The following SLC38A9 variants were observed in gnomAD, a reference collection of about 807,000 sequenced individuals.
SLC38A9 encodes solute carrier family 38 member 9.
A neutral mutation model predicts 62.3 loss-of-function variants in SLC38A9; 48 were observed. The observed-to-expected ratio is 0.77, with a 90% CI of 0.61 to 0.98. The LOEUF is 0.98. SLC38A9 is among the 50% of genes least tolerant of loss of function. The pLI is 0.00. For missense variants in SLC38A9, 541 were observed against 679.8 expected (o/e 0.80, Z 2.27); for synonymous variants, 204 against 227.7 (o/e 0.90, Z 0.94).
intron 3 of SLC38A9, among the ~76,000 whole-genome samples, chr5:55,679,594 GTT>G (rs201198379): frequency 1.1e-5 from 1 of 93,448 alleles, no homozygotes; most frequent in South Asian, 4.2e-4. Flanking sequence ...CAAGTTTTTA[GTT>G]TTTTGTTTTT....
intron 2 of SLC38A9, among the ~76,000 whole-genome samples, chr5:55,700,132 G>A (rs547839135): frequency 4.6e-5 from 7 of 152,188 alleles, no homozygotes; most frequent in African/African-American, 1.7e-4. Context: ...CTTGAGGTCA[G>A]GAATTCGAGA....
intron 14 of SLC38A9, among the ~76,000 whole-genome samples, chr5:55,629,908 G>T (rs1019237261): frequency 1.3e-5 from 2 of 150,700 alleles, no homozygotes; most frequent in Admixed American, 1.3e-4. Context: ...ATTGTAAAAT[G>T]AAGTGTGTCA....
Position 55,705,688 on chromosome 5 carries a change from T to TA in SLC38A9, c.-35+5763dup, listed in dbSNP as rs549335754. On this transcript the variant is annotated intron_variant, in intron 2 of 15. Coordinates refer to ENST00000396865, the MANE Select transcript of SLC38A9 (RefSeq NM_173514.4). ...TTTTGTAAATATAAAATAATAGCTA[T>TA]AATGGCAAATGGCCTTAAACTCTTT... is the stretch of plus-strand genomic sequence containing the variant. 3.7e-3 allele frequency among the ~76,000 whole-genome samples: 544 copies of TA among 148,892 alleles called. 6 individuals are homozygous for TA. The highest frequency in any genetic ancestry group is 0.013 in the African/African-American group (526 of 40,388).
chr5:55,644,493 G>A (rs541640365), intron 12 of SLC38A9, among the ~76,000 whole-genome samples: 30 of 151,774 alleles, frequency 2.0e-4, no homozygotes, highest in African/African-American at 3.9e-4. Flanking sequence ...TGGCTATCTC[G>A]GCTCACTGCA....
intron 7 of SLC38A9, among the ~76,000 whole-genome samples, chr5:55,665,706 G>A (rs1750353745): frequency 6.6e-6 from 1 of 152,158 alleles, no homozygotes. Context: ...GCTCAGGTCT[G>A]TAATCCTAGC....
chr5:55,629,182 T>C (rs941264223), intron 14 of SLC38A9, among the ~76,000 whole-genome samples: 5 of 152,112 alleles, frequency 3.3e-5, no homozygotes, highest in African/African-American at 1.2e-4. Context: ...GTTGCATCCA[T>C]CTGTATTCCT....
chr5:55,678,177 G>A (rs550531234), intron 3 of SLC38A9, among the ~76,000 whole-genome samples: 13 of 135,338 alleles, frequency 9.6e-5, no homozygotes, highest in African/African-American at 3.5e-4. Context: ...GTTCTGTCTT[G>A]CCCAGGATGG....
intron 15 of SLC38A9, among the ~76,000 whole-genome samples, chr5:55,627,119 G>A (rs1742576238): frequency 6.6e-6 from 1 of 152,116 alleles, no homozygotes; most frequent in African/African-American, 2.4e-5. Flanking sequence ...TTAAACATGA[G>A]ACTGTGACAG....
At chr5:55,644,049 C>A (rs1409218015) in intron 12 of SLC38A9, among the ~76,000 whole-genome samples, 1 of 152,138 alleles carries the variant, frequency 6.6e-6, no homozygotes, top group Non-Finnish European at 1.5e-5. Flanking sequence ...CAACCTCCAC[C>A]CCTTGGGTTC....
intron 3 of SLC38A9, among the ~76,000 whole-genome samples, chr5:55,690,385 G>A (rs964151464): frequency 6.6e-6 from 1 of 152,120 alleles, no homozygotes; most frequent in African/African-American, 2.4e-5. Flanking sequence ...TTGAGGAAAA[G>A]TAACAGTGGA....
At chr5:55,691,200 T>A (rs982256200) in intron 3 of SLC38A9, 3 of 897,048 alleles carry the variant, frequency 3.3e-6, no homozygotes, top group Admixed American at 2.0e-5. Flanking sequence ...GGATTCTCCA[T>A]GTTAAAATGC....
At chr5:55,691,374 A>G (rs1754716271) in intron 3 of SLC38A9, 2 of 1,373,162 alleles carry the variant, frequency 1.5e-6, no homozygotes, top group African/African-American at 1.5e-5. Context: ...CTAAGGGGTT[A>G]AGTCTGAGTG....
chr5:55,666,843 G>GAGATCGAGACCACAGTGAAATCCCA (rs397964271), intron 7 of SLC38A9, among the ~76,000 whole-genome samples: 9 of 152,022 alleles, frequency 5.9e-5, no homozygotes, highest in African/African-American at 2.2e-4. Context: ...GTGAAATCCC[G>GAGATCGAGACCACAGTGAAATCCCA]TCTCTACTAA....
chr5:55,638,853 A>C (rs1042249329), intron 12 of SLC38A9, among the ~76,000 whole-genome samples: 6 of 152,242 alleles, frequency 3.9e-5, no homozygotes, highest in African/African-American at 7.2e-5. Context: ...CAGACAAAAC[A>C]AAACCAAACA....
At chr5:55,643,257 GT>G (rs1012433401) in intron 12 of SLC38A9, among the ~76,000 whole-genome samples, 58 of 152,240 alleles carry the variant, frequency 3.8e-4, no homozygotes, top group African/African-American at 1.4e-3. Flanking sequence ...ACTCAAAGTA[GT>G]TCTAATTTTT....
intron 11 of SLC38A9, among the ~76,000 whole-genome samples, chr5:55,648,109 C>T (rs11744393): frequency 0.6 from 90,267 of 151,634 alleles, 27,494 homozygotes; most frequent in South Asian, 0.7. Context: ...CATGGTGGTG[C>T]GTGCCTGTAA....
intron 14 of SLC38A9, among the ~76,000 whole-genome samples, chr5:55,631,158 A>G (rs1261336229): frequency 6.6e-6 from 1 of 152,120 alleles, no homozygotes; most frequent in Non-Finnish European, 1.5e-5. Context: ...CAAAAAACCT[A>G]AATTCTATTT....
chr5:55,698,661 T>C (rs890626114), intron 2 of SLC38A9, among the ~76,000 whole-genome samples: 3 of 152,212 alleles, frequency 2.0e-5, no homozygotes, highest in African/African-American at 7.2e-5. Flanking sequence ...CCAGAGGCTA[T>C]AGTGTCCACA....
intron 5 of SLC38A9, 65 bp downstream of exon 5, chr5:55,669,693 T>A (rs1750982541): frequency 1.9e-6 from 3 of 1,584,526 alleles, no homozygotes; most frequent in East Asian, 2.3e-5. Context: ...GACAAAAATT[T>A]AAAAAACCAG....
Sources: gnomAD v4.1 joint callset for allele counts (sites outside exome capture counted in the v4.1 genomes callset) on GRCh38, gnomAD v4.1.1 for gene constraint, MANE v1.5 for transcripts, NCBI Gene and HGNC (gene_info 2026-07-23, HGNC 2026-07-21) for gene names.